The following SCRG1 variants were observed in gnomAD, a reference collection of about 807,000 sequenced individuals.
SCRG1 encodes stimulator of chondrogenesis 1.
Under a neutral mutation model 7.7 loss-of-function variants are expected in SCRG1, and 3 were observed. The ratio of observed to expected loss-of-function variants is 0.39; its 90% CI spans 0.18 to 1.01. The LOEUF is 1.01. SCRG1 is among the 50% of genes least tolerant of loss of function. The pLI, the probability that SCRG1 is intolerant of heterozygous loss-of-function variation, is 0.36. For synonymous variants in SCRG1, 46 were observed against 41.2 expected (o/e 1.12, Z -0.44); for missense variants, 110 against 117.2 (o/e 0.94, Z 0.28).
the SCRG1 span, among the ~76,000 whole-genome samples, chr4:173,473,556 A>G: frequency 0.051 from 7,836 of 152,262 alleles, 690 homozygotes; most frequent in African/African-American, 0.18. Flanking sequence ...TTAATCCTGA[A>G]AAATGAGAGT....
chr4:173,513,388 A>G, the SCRG1 span, among the ~76,000 whole-genome samples: 1 of 151,784 alleles, frequency 6.6e-6, no homozygotes, highest in Non-Finnish European at 1.5e-5. Context: ...TTACATCATT[A>G]CTCCCCCCTT....
At chr4:173,469,647 A>G in the SCRG1 span, 1 of 152,218 alleles carries the variant, frequency 6.6e-6, no homozygotes, top group African/African-American at 2.4e-5. Context: ...AATGCTGTCT[A>G]AAAGAAAATA....
chr4:173,507,368 C>T, the SCRG1 span, among the ~76,000 whole-genome samples: 2 of 152,152 alleles, frequency 1.3e-5, no homozygotes, highest in African/African-American at 4.8e-5. The surrounding 1 kb of genome is among the most constrained non-coding windows in gnomAD (Gnocchi z 4.4). Context: ...TGCCACCACG[C>T]CCGGCTAATT....
In SCRG1 at chr4:173,386,534, A is replaced by G. The variant is rs899473651; in HGVS notation, c.*1807T>C. The stretch of plus-strand genomic sequence containing the variant: ...AGTAACACTTATTTACACAGATTAG[A>G]TACCAGACACTGTTTTGGGTGTGGT... On this transcript the variant is annotated 3_prime_UTR_variant, in exon 3 of 3. Transcript: ENST00000296506. The G allele has an allele frequency of 6.6e-6, 1 of 152,144 alleles. No homozygotes were observed. Among genetic ancestry groups the G allele is most frequent in the Non-Finnish European group, 1.5e-5 (1 of 68,044 alleles). 9.4% of individuals were successfully genotyped at this position (152,144 alleles called of 1,614,324 possible). A position where few individuals can be genotyped will look rare whatever the true frequency, so the allele number is the denominator to read the frequency against.
the SCRG1 span, among the ~76,000 whole-genome samples, chr4:173,485,862 C>G: frequency 2.2e-4 from 33 of 152,126 alleles, no homozygotes; most frequent in Non-Finnish European, 4.6e-4. Context: ...CCCAGCTACT[C>G]GCGAGGCTGA....
the SCRG1 span, among the ~76,000 whole-genome samples, chr4:173,483,654 A>G: frequency 4.3e-4 from 9 of 20,750 alleles, no homozygotes; most frequent in African/African-American, 8.7e-4. Flanking sequence ...ATGATATATT[A>G]TATTGTGATA....
chr4:173,405,832 G>A lies in SCRG1; in HGVS notation c.-748+428C>T, dbSNP rs573746278. ...TAAAAGATTGCTCCAAGCTCATCTT[G>A]TGTATTTCCTGTCCCAGTACTAGAA... On this transcript the variant is annotated intron_variant and NMD_transcript_variant, in intron 1 of 8. Coordinates refer to the SCRG1 transcript ENST00000512188. Among the ~76,000 whole-genome samples, 18 of 152,156 alleles carry A rather than the reference G, an allele frequency of 1.2e-4. No homozygotes were observed. The East Asian group carries it at 2.5e-3, about 21-fold the overall frequency.
chr4:173,512,815 T>C, the SCRG1 span, among the ~76,000 whole-genome samples: 1 of 152,158 alleles, frequency 6.6e-6, no homozygotes, highest in Non-Finnish European at 1.5e-5. Context: ...CCCCTCAGCC[T>C]CTCCAAGGGT....
chr4:173,445,769 G>A, the SCRG1 span, among the ~76,000 whole-genome samples: 30 of 150,692 alleles, frequency 2.0e-4, no homozygotes, highest in African/African-American at 6.8e-4. Flanking sequence ...GGGTTCAAGC[G>A]ATTCTCCTGT....
the SCRG1 span, among the ~76,000 whole-genome samples, chr4:173,471,492 C>A: frequency 3.9e-5 from 6 of 152,160 alleles, no homozygotes; most frequent in African/African-American, 1.2e-4. Context: ...TTCTACCAAC[C>A]TCGTCCATCC....
chr4:173,439,826 C>G, the SCRG1 span, among the ~76,000 whole-genome samples: 26 of 152,210 alleles, frequency 1.7e-4, no homozygotes, highest in Non-Finnish European at 3.5e-4. Context: ...ACTTGAGGGA[C>G]TTGAGGGAAT....
the SCRG1 span, among the ~76,000 whole-genome samples, chr4:173,422,741 G>A: frequency 6.6e-6 from 1 of 152,156 alleles, no homozygotes; most frequent in African/African-American, 2.4e-5. Flanking sequence ...GTCTAATCTA[G>A]CAACTTGAAT....
chr4:173,504,408 C>G, the SCRG1 span, among the ~76,000 whole-genome samples: 1 of 152,186 alleles, frequency 6.6e-6, no homozygotes, highest in South Asian at 2.1e-4. The surrounding 1 kb of genome is among the most constrained non-coding windows in gnomAD (Gnocchi z 4.7). Flanking sequence ...CTGCCTCCAG[C>G]TTTCCCTATC....
At chr4:173,447,447 C>A in the SCRG1 span, among the ~76,000 whole-genome samples, 3 of 152,168 alleles carry the variant, frequency 2.0e-5, no homozygotes, top group African/African-American at 7.2e-5. Context: ...TGGATGAGAT[C>A]AGTGGTATTG....
chr4:173,503,075 G>A, the SCRG1 span, among the ~76,000 whole-genome samples: 10 of 152,144 alleles, frequency 6.6e-5, no homozygotes, highest in African/African-American at 2.4e-4. This position sits in a 1 kb window ranked among gnomAD's most constrained non-coding sequence, Gnocchi z 6.4. Flanking sequence ...AGCTCAGGTG[G>A]TTCCCTACCG....
chr4:173,426,783 C>A, the SCRG1 span, among the ~76,000 whole-genome samples: 1 of 152,158 alleles, frequency 6.6e-6, no homozygotes, highest in African/African-American at 2.4e-5. Flanking sequence ...GAATTATTTT[C>A]TTGCTGTTGA....
intron 2 of SCRG1, among the ~76,000 whole-genome samples, chr4:173,390,489 T>G (rs1739397759): frequency 6.7e-6 from 1 of 149,518 alleles, no homozygotes; most frequent in African/African-American, 2.4e-5. Context: ...TTTTTTTTTT[T>G]GAGATGGAGT....
At chr4:173,491,968 A>G in the SCRG1 span, among the ~76,000 whole-genome samples, 1 of 148,242 alleles carries the variant, frequency 6.7e-6, no homozygotes, top group Admixed American at 6.7e-5. Context: ...CATCTCTACA[A>G]TTTTTTTTTT....
At chr4:173,414,166 G>A in the SCRG1 span, among the ~76,000 whole-genome samples, 1 of 152,184 alleles carries the variant, frequency 6.6e-6, no homozygotes, top group Non-Finnish European at 1.5e-5. Flanking sequence ...CTGAGGGTCA[G>A]ACCCCGGAAC....
Sources: gnomAD v4.1 joint callset for allele counts (sites outside exome capture counted in the v4.1 genomes callset) on GRCh38, gnomAD v4.1.1 for gene constraint, Gnocchi (gnomAD v3.1) non-coding constraint, MANE v1.5 for transcripts, NCBI Gene and HGNC (gene_info 2026-07-23, HGNC 2026-07-21) for gene names.